The following SLC29A1 variants were observed in gnomAD, a reference collection of about 807,000 sequenced individuals.
The protein encoded by SLC29A1 is solute carrier family 29 member 1 (Augustine blood group), also known as equilibrative nucleoside transporter 1.
In SLC29A1, 22 loss-of-function variants were observed where a neutral mutation model predicts 48.3. That is an observed-to-expected ratio of 0.46 (90% CI 0.33 to 0.65). SLC29A1 has a LOEUF of 0.65. SLC29A1 is among the 30% of genes least tolerant of loss of function. The pLI, the probability that SLC29A1 is intolerant of heterozygous loss-of-function variation, is 0.03. For synonymous variants in SLC29A1, 228 were observed against 231.0 expected, an observed-to-expected ratio of 0.99 and a Z score of 0.12; for missense variants, 491 against 575.3, an observed-to-expected ratio of 0.85 and a Z score of 1.50.
At chr6:44,227,422 G>C in intron 2 of SLC29A1, 80 bp downstream of exon 2, 1 of 1,299,978 alleles carries the variant, frequency 7.7e-7, no homozygotes, top group South Asian at 1.2e-5. Context: ...GGAATTGGGG[G>C]TTGCCATTGC....
upstream of SLC29A1, chr6:44,221,597 A>G: frequency 8.0e-7 from 1 of 1,247,974 alleles, no homozygotes; most frequent in Non-Finnish European, 1.1e-6. The surrounding 1 kb of genome is among the most constrained non-coding windows in gnomAD (Gnocchi z 4.2). Flanking sequence ...GACCTGAGGG[A>G]GCTCAGGGAG....
At chr6:44,221,506 C>T (rs1316216656), upstream of SLC29A1, 8 of 685,188 alleles carry the variant, frequency 1.2e-5, no homozygotes, top group Admixed American at 2.7e-5. The surrounding 1 kb of genome is among the most constrained non-coding windows in gnomAD (Gnocchi z 4.2). Flanking sequence ...GGCCAAGCCA[C>T]GGTCCCATAT....
At chr6:44,233,060 G>A in intron 12 of SLC29A1, 54 bp downstream of exon 12, 1 of 1,550,126 alleles carries the variant, frequency 6.5e-7, no homozygotes, top group Admixed American at 1.7e-5. Context: ...TAGAGTTCCA[G>A]TGGGGGACAC....
Position 44,229,804 on chromosome 6 carries a change from C to A in SLC29A1, c.314+13C>A. 1 of 1,611,824 alleles carries A rather than the reference C, an allele frequency of 6.2e-7. No homozygotes were observed. The highest frequency in any genetic ancestry group is 8.5e-7 in the Non-Finnish European group (1 of 1,178,664). Reference sequence around the variant, plus strand: ...TCCTGCATCAGAGGTGAGTGCCCACCCCCTCCCCAGCCCCCAGCCTGACCC... The same window carrying A: ...TCCTGCATCAGAGGTGAGTGCCCACACCCTCCCCAGCCCCCAGCCTGACCC... On this transcript the variant is annotated intron_variant, in intron 4 of 12. Transcript: ENST00000371755. This position sits in a 1 kb window ranked among gnomAD's most constrained non-coding sequence, Gnocchi z 5.1.
intron 1 of SLC29A1, among the ~76,000 whole-genome samples, chr6:44,224,296 T>G (rs1777004297): frequency 6.6e-6 from 1 of 151,450 alleles, no homozygotes; most frequent in Non-Finnish European, 1.5e-5. Flanking sequence ...TCCCTTTGCC[T>G]ACTCCTCTCG....
rs8187642 is a variant in SLC29A1, at chr6:44,230,665, G to A, written c.687G>A (p.Leu229=). The change falls in exon 7 of 13, where the codon CTG becomes CTA. Residue 229 remains leucine, a splice_region_variant and synonymous_variant. Coordinates refer to ENST00000371755, the MANE Select transcript of SLC29A1 (RefSeq NM_001372327.1). Reference sequence around the variant, plus strand: ...TCTGTTACCTGGGCCTGCCCCGCCTGGTGAGTAAATGGAGGGAGCTGGGGT... The same window carrying A: ...TCTGTTACCTGGGCCTGCCCCGCCTAGTGAGTAAATGGAGGGAGCTGGGGT... ...TIICYLGLPR[L]EFYRYYQQLK... 2.9e-5 allele frequency: 47 copies of A among 1,605,808 alleles called. 1 individual carries two copies. The African/African-American group carries it at 3.5e-4, about 12-fold the overall frequency.
chr6:44,231,028 G>A (rs1382332694), intron 8 of SLC29A1, 139 bp downstream of exon 8: 3 of 721,646 alleles, frequency 4.2e-6, no homozygotes, highest in Non-Finnish European at 7.4e-6. Flanking sequence ...ACAGCAGGGA[G>A]AGGGGGACAA....
At chr6:44,227,547 C>T (rs1249381922) in intron 2 of SLC29A1, among the ~76,000 whole-genome samples, 1 of 152,210 alleles carries the variant, frequency 6.6e-6, no homozygotes, top group Non-Finnish European at 1.5e-5. Flanking sequence ...GGTGCGTGGG[C>T]AGCAGTCCTT....
In SLC29A1 at chr6:44,229,271, A is replaced by C; in HGVS notation, c.30-119A>C. On this transcript the variant is annotated intron_variant, in intron 2 of 12. Coordinates refer to ENST00000371755, the MANE Select transcript of SLC29A1 (RefSeq NM_001372327.1). The surrounding 1 kb of genome is among the most constrained non-coding windows in gnomAD (Gnocchi z 5.1). The stretch of plus-strand genomic sequence containing the variant: ...GACACATGCAAACGGACACAAACAC[A>C]GACGCCCTGTGCCCTGGGACCTAGA... 1.3e-6 allele frequency: 1 copy of C among 799,286 alleles called. No individual in the cohort carries two copies. The highest frequency in any genetic ancestry group is 2.2e-6 in the Non-Finnish European group (1 of 447,374). The allele number at this position is 799,286 out of a possible 1,614,324, so 49.5% of individuals were successfully genotyped here.
At chr6:44,223,576 G>GGCGGGAGAGGGAAGCTGCA (rs1210528280), upstream of SLC29A1, 2 of 1,211,006 alleles carry the variant, frequency 1.7e-6, no homozygotes, top group Non-Finnish European at 2.1e-6. This position sits in a 1 kb window ranked among gnomAD's most constrained non-coding sequence, Gnocchi z 5.0. Context: ...AATGTGCCCC[G>GGCGGGAGAGGGAAGCTGCA]GCGGGAGAGG....
rs763610367 is a variant in SLC29A1, at chr6:44,229,390, A to G, written c.30A>G (p.Arg10=). MTTSHQPQD[R]YKAVWLIFFM... Reference sequence around the variant, plus strand: ...GCCCATCTTTCCTCCTCCATTGCAGATACAAAGCTGTCTGGCTTATCTTCT... The same window carrying G: ...GCCCATCTTTCCTCCTCCATTGCAGGTACAAAGCTGTCTGGCTTATCTTCT... Residue 10 remains arginine, a splice_region_variant and synonymous_variant, in exon 3 of 13, where the codon AGA becomes AGG. Coordinates refer to ENST00000371755, the MANE Select transcript of SLC29A1 (RefSeq NM_001372327.1). The surrounding 1 kb of genome is among the most constrained non-coding windows in gnomAD (Gnocchi z 5.1). The G allele has an allele frequency of 6.2e-7, 1 of 1,613,590 alleles. No homozygotes were observed. Among genetic ancestry groups the G allele is most frequent in the Non-Finnish European group, 8.5e-7 (1 of 1,179,492 alleles).
At position 44,233,305 on chromosome 6, in the gene SLC29A1, C is replaced by T. The variant is rs989211096; in HGVS notation, c.1260-112C>T. The T allele has an allele frequency of 6.4e-6, 6 of 933,000 alleles. No homozygotes were observed. The Admixed American group carries it at 7.3e-5, about 11-fold the overall frequency. 57.8% of individuals were successfully genotyped at this position (933,000 alleles called of 1,614,324 possible). ...TAGGCAGCCAGGATGGGTTGATCAA[C>T]AGAATGAGGTTCGACAGTCAAGTTG... On this transcript the variant is annotated intron_variant, in intron 12 of 12. Transcript: ENST00000371755.
At chr6:44,231,597 G>T in intron 9 of SLC29A1, 136 bp downstream of exon 9, 1 of 645,828 alleles carries the variant, frequency 1.5e-6, no homozygotes, top group Non-Finnish European at 2.8e-6. Flanking sequence ...GTGTGCGTGC[G>T]TGCCCATGCG....
rs1170259973 is a variant in SLC29A1 at position 44,230,016 on chromosome 6, A to G, written c.424A>G (p.Ile142Val). The part of the protein sequence containing the change: ...VQLDALPFFV[I>V]TMIKIVLINS... ...GCTGGATGCTCTGCCCTTCTTTGTC[A>G]TCACCATGATCAAGATCGTGCTCAT... The change falls in exon 5 of 13, where the codon ATC (isoleucine) becomes GTC (valine). Residue 142 changes from isoleucine to valine, a missense_variant. By Grantham distance (29) the Ile-to-Val change is conservative. Transcript: ENST00000371755. The G allele has an allele frequency of 1.2e-6, 2 of 1,609,844 alleles. No individual in the cohort carries two copies. Among genetic ancestry groups the G allele is most frequent in the Non-Finnish European group, 1.7e-6 (2 of 1,179,994 alleles).
At chr6:44,223,149 A>C (rs1776657928), upstream of SLC29A1, among the ~76,000 whole-genome samples, 1 of 152,100 alleles carries the variant, frequency 6.6e-6, no homozygotes, top group Admixed American at 6.5e-5. This position sits in a 1 kb window ranked among gnomAD's most constrained non-coding sequence, Gnocchi z 5.0. Flanking sequence ...TGGGAGGAAA[A>C]AGGTGCAGTG....
intron 9 of SLC29A1, 109 bp from the exon 10 acceptor site, chr6:44,231,889 G>A: frequency 1.3e-6 from 1 of 769,390 alleles, no homozygotes; most frequent in Non-Finnish European, 2.3e-6. Flanking sequence ...CTCCCAAAGT[G>A]CTGAGATTAC....
At chr6:44,222,239 A>G (rs1460806142), upstream of SLC29A1, among the ~76,000 whole-genome samples, 1 of 35,028 alleles carries the variant, frequency 2.9e-5, no homozygotes, top group East Asian at 8.2e-4. Context: ...CCCTCTGGTT[A>G]GGGCTGGCGG....
At chr6:44,230,106 T>C (rs779045397) in intron 5 of SLC29A1, 60 bp downstream of exon 5, 5 of 1,592,386 alleles carry the variant, frequency 3.1e-6, no homozygotes, top group African/African-American at 1.3e-5. Context: ...CCCACTCTTT[T>C]TTCAGACCCA....
rs1392383392 is a variant in SLC29A1 at position 44,232,375 on chromosome 6, A to G, written c.1006A>G (p.Thr336Ala). 14 of 1,613,634 alleles carry G rather than the reference A, an allele frequency of 8.7e-6. No homozygotes were observed. Among genetic ancestry groups the G allele is most frequent in the Non-Finnish European group, 1.2e-5 (14 of 1,179,668 alleles). Residue 336 changes from threonine to alanine, a missense_variant, in exon 11 of 13, where the codon ACT becomes GCT. Thr to Ala is a moderately conservative substitution (Grantham distance 58). Transcript: ENST00000371755. This position sits in a 1 kb window ranked among gnomAD's most constrained non-coding sequence, Gnocchi z 4.7. ...CTTCATTCCTGTGTCCTGTTTCTTG[A>G]CTTTCAATATCTTTGACTGGTTGGG... ...RYFIPVSCFL[T>A]FNIFDWLGRS...
Sources: gnomAD v4.1 joint callset for allele counts (sites outside exome capture counted in the v4.1 genomes callset) on GRCh38, gnomAD v4.1.1 for gene constraint, Gnocchi (gnomAD v3.1) non-coding constraint, MANE v1.5 for transcripts, NCBI Gene and HGNC (gene_info 2026-07-23, HGNC 2026-07-21) for gene names.